The following UBE2D2 variants were observed in gnomAD, a reference collection of about 807,000 sequenced individuals.
UBE2D2 encodes ubiquitin-conjugating enzyme E2 D2.
A neutral mutation model predicts 24.2 loss-of-function variants in UBE2D2; 2 were observed. The ratio of observed to expected loss-of-function variants is 0.08; its 90% CI spans 0.03 to 0.26. UBE2D2 has a LOEUF of 0.26. Among genes scored for constraint, UBE2D2 ranks in the 10% least tolerant of loss-of-function variants. UBE2D2 has a pLI of 1.00. For synonymous variants in UBE2D2, 58 were observed against 56.5 expected (o/e 1.03, Z -0.12); for missense variants, 44 against 177.6 (o/e 0.25, Z 4.28).
intron 1 of UBE2D2, among the ~76,000 whole-genome samples, chr5:139,580,314 C>T (rs1035470922): frequency 6.6e-6 from 1 of 152,056 alleles, no homozygotes; most frequent in Non-Finnish European, 1.5e-5. Context: ...TTACGCCCAC[C>T]TCAGCCTTCC....
chr5:139,528,545 T>C (rs549390869), intron 1 of UBE2D2, among the ~76,000 whole-genome samples: 1 of 152,334 alleles, frequency 6.6e-6, no homozygotes, highest in East Asian at 1.9e-4. Flanking sequence ...CCAAGGGTCC[T>C]GGCAGCAAGG....
At chr5:139,549,633 A>C (rs935651006) in intron 1 of UBE2D2, among the ~76,000 whole-genome samples, 9 of 152,074 alleles carry the variant, frequency 5.9e-5, no homozygotes, top group Non-Finnish European at 1.0e-4. Flanking sequence ...CTCCCCCTAC[A>C]CCGTGAGCTC....
chr5:139,613,883 AAAACCT>A (rs1346109680), intron 2 of UBE2D2, among the ~76,000 whole-genome samples: 5 of 152,142 alleles, frequency 3.3e-5, no homozygotes, highest in East Asian at 3.9e-4. Context: ...CAAACGTGGC[AAAACCT>A]TGTCTCTACT....
rs1333276772 is a variant in UBE2D2 at position 139,584,981 on chromosome 5, A to T, written c.25-15391A>T. ...AGTGGCGCGATCTCGGCTGACTGCAACCTCCATCTCTTGGGTTCAAGTGAT... is the reference window on the plus strand; with the variant it reads ...AGTGGCGCGATCTCGGCTGACTGCATCCTCCATCTCTTGGGTTCAAGTGAT... On this transcript the variant is annotated intron_variant, in intron 1 of 6. Coordinates refer to ENST00000398733, the MANE Select transcript of UBE2D2 (RefSeq NM_003339.3). Among the ~76,000 whole-genome samples, 4 of 147,224 alleles carry T rather than the reference A, an allele frequency of 2.7e-5. No individual in the cohort carries two copies. The East Asian group carries it at 6.0e-4, about 22-fold the overall frequency.
chr5:139,543,682 C>T (rs889868640), intron 1 of UBE2D2, among the ~76,000 whole-genome samples: 1 of 152,230 alleles, frequency 6.6e-6, no homozygotes, highest in Non-Finnish European at 1.5e-5. Context: ...ATACGGTTCA[C>T]GCCGGTCTTC....
chr5:139,596,636 C>T (rs927803136), intron 1 of UBE2D2, among the ~76,000 whole-genome samples: 3 of 151,928 alleles, frequency 2.0e-5, no homozygotes, highest in Non-Finnish European at 4.4e-5. Flanking sequence ...CACTGTGGCT[C>T]ACACCTGTAA....
intron 1 of UBE2D2, among the ~76,000 whole-genome samples, chr5:139,567,838 G>GT (rs1418828043): frequency 3.9e-5 from 6 of 152,052 alleles, no homozygotes; most frequent in African/African-American, 1.4e-4. Flanking sequence ...CCCGCCTTTT[G>GT]TATGGTTTTG....
chr5:139,615,050 T>C (rs1754394850), intron 5 of UBE2D2, 84 bp downstream of exon 5: 10 of 1,298,760 alleles, frequency 7.7e-6, no homozygotes, highest in Middle Eastern at 1.9e-4. Flanking sequence ...AGATTACTTA[T>C]GTTTCTTTTA....
intron 1 of UBE2D2, among the ~76,000 whole-genome samples, chr5:139,549,918 T>C (rs1341046126): frequency 6.6e-6 from 1 of 152,190 alleles, no homozygotes; most frequent in Non-Finnish European, 1.5e-5. Context: ...CAGCACTCTA[T>C]CTAGCTAATC....
At position 139,616,197 on chromosome 5, in the gene UBE2D2, C is replaced by T. The variant is rs149858975; in HGVS notation, c.304+1231C>T. On this transcript the variant is annotated intron_variant, in intron 5 of 6. Coordinates refer to ENST00000398733, the MANE Select transcript of UBE2D2 (RefSeq NM_003339.3). ...ATTTATGGCCTGGCACGGTGGCTCACGCCTGTAATCCCAGCACTTTGGGAG... is the reference window on the plus strand; with the variant it reads ...ATTTATGGCCTGGCACGGTGGCTCATGCCTGTAATCCCAGCACTTTGGGAG... Among the ~76,000 whole-genome samples the T allele has an allele frequency of 5.8e-3, 880 of 151,084 alleles. 12 individuals are homozygous for T. The highest frequency in any genetic ancestry group is 0.018 in the African/African-American group (748 of 41,282).
rs528572707 is a variant in UBE2D2 at position 139,599,736 on chromosome 5, C to G, written c.25-636C>G. 2.6e-5 allele frequency among the ~76,000 whole-genome samples: 4 copies of G among 151,870 alleles called. No homozygotes were observed. In the East Asian group the frequency reaches 7.8e-4, roughly 30 times the overall value. On this transcript the variant is annotated intron_variant, in intron 1 of 6. Transcript: ENST00000398733. ...TGGGCGACAGAGCAAGACTCCGTCT[C>G]AAAAAACAAACAACAAACAAACAAA...
chr5:139,538,275 T>C (rs1171826574), intron 1 of UBE2D2, among the ~76,000 whole-genome samples: 1 of 151,990 alleles, frequency 6.6e-6, no homozygotes, highest in Non-Finnish European at 1.5e-5. Context: ...TGAGCCACCA[T>C]ACCTGGCATG....
At chr5:139,583,405 C>T (rs1753649020) in intron 1 of UBE2D2, among the ~76,000 whole-genome samples, 1 of 152,182 alleles carries the variant, frequency 6.6e-6, no homozygotes, top group Admixed American at 6.6e-5. Context: ...TTTAGCCATT[C>T]TACAATGTAT....
At chr5:139,553,786 T>C (rs984166304) in intron 1 of UBE2D2, among the ~76,000 whole-genome samples, 7 of 152,196 alleles carry the variant, frequency 4.6e-5, no homozygotes, top group African/African-American at 1.4e-4. Flanking sequence ...TATTTATTTA[T>C]TTAAATTTTT....
At chr5:139,540,955 T>C (rs2126632268) in intron 1 of UBE2D2, among the ~76,000 whole-genome samples, 1 of 151,616 alleles carries the variant, frequency 6.6e-6, no homozygotes, top group East Asian at 1.9e-4. Context: ...ATCGTGCCAC[T>C]GCACTCCAGC....
chr5:139,599,016 C>T (rs1239092339), intron 1 of UBE2D2, among the ~76,000 whole-genome samples: 2 of 144,434 alleles, frequency 1.4e-5, no homozygotes, highest in Non-Finnish European at 3.0e-5. Flanking sequence ...GCAACCTCTG[C>T]CTCCTGGGTT....
At chr5:139,558,578 G>T (rs372208209), upstream of UBE2D2, among the ~76,000 whole-genome samples, 1 of 152,194 alleles carries the variant, frequency 6.6e-6, no homozygotes, top group South Asian at 2.1e-4. Context: ...GTGAGCCACC[G>T]CGCCCAGCCA....
intron 1 of UBE2D2, among the ~76,000 whole-genome samples, chr5:139,533,570 AACC>A (rs943415109): frequency 2.6e-5 from 4 of 151,496 alleles, no homozygotes; most frequent in African/African-American, 9.7e-5. Flanking sequence ...GAATCGCTTG[AACC>A]AGGGAGGAGG....
chr5:139,590,782 CTTTT>C (rs57962602), intron 1 of UBE2D2, among the ~76,000 whole-genome samples: 8 of 38,402 alleles, frequency 2.1e-4, no homozygotes, highest in Non-Finnish European at 2.1e-4. Context: ...TTCTCTTCTT[CTTTT>C]TTTTTTTTTT....
Sources: gnomAD v4.1 joint callset for allele counts (sites outside exome capture counted in the v4.1 genomes callset) on GRCh38, gnomAD v4.1.1 for gene constraint, MANE v1.5 for transcripts, NCBI Gene and HGNC (gene_info 2026-07-23, HGNC 2026-07-21) for gene names.